CAMK2B: variants seen among roughly 807,000 people sequenced by gnomAD.
CAMK2B encodes calcium/calmodulin-dependent protein kinase type II subunit beta.
Under a neutral mutation model 93.7 loss-of-function variants are expected in CAMK2B, and 27 were observed. The observed-to-expected ratio is 0.29, with a 90% CI of 0.21 to 0.40. The LOEUF (loss-of-function observed/expected upper bound fraction) is 0.40, where lower values mean the gene tolerates loss of function less well. Ranked by LOEUF, CAMK2B falls within the 10% of genes least tolerant of loss-of-function variation. The pLI is 1.00. For missense variants in CAMK2B, 568 were observed against 895.8 expected (o/e 0.63, Z 4.67); for synonymous variants, 374 against 358.8 (o/e 1.04, Z -0.48).
In CAMK2B at chr7:44,224,235, C is replaced by A. The variant is rs531173972; in HGVS notation, c.1597+2281G>T. ...GGAAGCCTAGGCTGCCCCTGCCCTG[C>A]GGAATGGCGCTGCCCAGACCCCAGC... On this transcript the variant is annotated intron_variant, in intron 20 of 23. Coordinates refer to ENST00000395749, the MANE Select transcript of CAMK2B (RefSeq NM_001220.5). This position sits in a 1 kb window ranked among gnomAD's most constrained non-coding sequence, Gnocchi z 4.4. Among the ~76,000 whole-genome samples the A allele has an allele frequency of 6.6e-6, 1 of 152,174 alleles. No homozygotes were observed. Among genetic ancestry groups the A allele is most frequent in the Admixed American group, 6.5e-5 (1 of 15,276 alleles).
chr7:44,258,581 A>T lies in CAMK2B; in HGVS notation c.275+291T>A, dbSNP rs181198733. ...CTGACTGACTATTCCTCTGGGGTCC[A>T]CCCACCCGCTGCCTCCAGTGTGCCC... On this transcript the variant is annotated intron_variant, in intron 4 of 23. Coordinates refer to ENST00000395749, the MANE Select transcript of CAMK2B (RefSeq NM_001220.5). Among the ~76,000 whole-genome samples, 22 of 152,332 alleles carry T rather than the reference A, an allele frequency of 1.4e-4. 1 individual carries two copies. Among genetic ancestry groups the T allele is most frequent in the Middle Eastern group, 3.4e-3 (1 of 294 alleles).
chr7:44,303,374 A>C (rs1433291872), intron 1 of CAMK2B, among the ~76,000 whole-genome samples: 7 of 152,310 alleles, frequency 4.6e-5, no homozygotes, highest in Admixed American at 2.6e-4. Context: ...AATACCGGCA[A>C]GTTATTTTGT....
chr7:44,271,816 G>T lies in CAMK2B; in HGVS notation c.161-8752C>A, dbSNP rs1053324013. Among the ~76,000 whole-genome samples the T allele has an allele frequency of 1.4e-4, 21 of 152,234 alleles. No individual in the cohort carries two copies. The highest frequency in any genetic ancestry group is 1.2e-3 in the Admixed American group (19 of 15,282). ...TGCAGGCCGGTTTAGGGGCTGAAAG[G>T]AGGCCATGGGCAGGTCCCGGCCATT... On this transcript the variant is annotated intron_variant, in intron 2 of 23. Coordinates refer to ENST00000395749, the MANE Select transcript of CAMK2B (RefSeq NM_001220.5). The surrounding 1 kb of genome is among the most constrained non-coding windows in gnomAD (Gnocchi z 4.2).
At chr7:44,279,939 G>A (rs1012062472) in intron 2 of CAMK2B, among the ~76,000 whole-genome samples, 3 of 152,144 alleles carry the variant, frequency 2.0e-5, no homozygotes, top group Admixed American at 1.3e-4. Flanking sequence ...CAGTGGCAGC[G>A]CAACTCCACT....
At chr7:44,282,423 A>G (rs192591293) in intron 2 of CAMK2B, among the ~76,000 whole-genome samples, 97 of 152,322 alleles carry the variant, frequency 6.4e-4, no homozygotes, top group South Asian at 3.7e-3. Flanking sequence ...TTGGGAGCGC[A>G]TGCCTCTGGA....
At chr7:44,287,253 C>A (rs1404313608) in intron 1 of CAMK2B, among the ~76,000 whole-genome samples, 2 of 152,120 alleles carry the variant, frequency 1.3e-5, no homozygotes, top group Non-Finnish European at 1.5e-5. Context: ...TCGCCGCCCC[C>A]CAATTTTCTC....
At chr7:44,263,153 G>T in intron 2 of CAMK2B, 89 bp from the exon 3 acceptor site, 2 of 1,250,356 alleles carry the variant, frequency 1.6e-6, no homozygotes, top group Non-Finnish European at 2.3e-6. Flanking sequence ...CCACAAGGGT[G>T]TGCCAGGGCC....
At chr7:44,233,278 C>T (rs562792456) in intron 15 of CAMK2B, among the ~76,000 whole-genome samples, 2 of 152,134 alleles carry the variant, frequency 1.3e-5, no homozygotes, top group African/African-American at 4.8e-5. Context: ...ATGGGGGTGG[C>T]GGTGGCACAT....
In CAMK2B at chr7:44,271,310, G is replaced by A. The variant is rs149919373; in HGVS notation, c.161-8246C>T. Among the ~76,000 whole-genome samples the A allele has an allele frequency of 1.4e-4, 21 of 152,306 alleles. No homozygotes were observed. Among genetic ancestry groups the A allele is most frequent in the South Asian group, 8.3e-4 (4 of 4,820 alleles). ...TGGTACCAACACACTTAACTCAAGC[G>A]TCCCAATTCACTTCAAGGCTAAACT... On this transcript the variant is annotated intron_variant, in intron 2 of 23. Transcript: ENST00000395749. This position sits in a 1 kb window ranked among gnomAD's most constrained non-coding sequence, Gnocchi z 4.2.
intron 2 of CAMK2B, among the ~76,000 whole-genome samples, chr7:44,270,722 A>G (rs1418811234): frequency 6.6e-6 from 1 of 152,172 alleles, no homozygotes; most frequent in Non-Finnish European, 1.5e-5. Flanking sequence ...GGGCCACAGC[A>G]CAGAGGGGCC....
chr7:44,307,036 A>AGGAGGGTGTGAACAG (rs1791942256), intron 1 of CAMK2B, among the ~76,000 whole-genome samples: 1 of 17,844 alleles, frequency 5.6e-5, no homozygotes, highest in Non-Finnish European at 1.0e-4. Context: ...GTGAGCAGGG[A>AGGAGGGTGTGAACAG]GAGGAGGCGG....
At chr7:44,229,227 T>TGGG in intron 18 of CAMK2B, 161 bp downstream of exon 18, 1 of 614,386 alleles carries the variant, frequency 1.6e-6, no homozygotes, top group Non-Finnish European at 2.9e-6. Flanking sequence ...TGGGGCTCGA[T>TGGG]GGGCTGGGGC....
intron 1 of CAMK2B, among the ~76,000 whole-genome samples, chr7:44,293,324 T>G (rs1787367916): frequency 6.6e-6 from 1 of 152,268 alleles, no homozygotes; most frequent in African/African-American, 2.4e-5. Context: ...AGGCCATTTC[T>G]TAACCAAATA....
chr7:44,307,679 C>T (rs746920245), intron 1 of CAMK2B, among the ~76,000 whole-genome samples: 1 of 152,044 alleles, frequency 6.6e-6, no homozygotes, highest in African/African-American at 2.4e-5. Flanking sequence ...TCATGAGATG[C>T]GCTTAGCCAG....
intron 1 of CAMK2B, among the ~76,000 whole-genome samples, chr7:44,323,177 C>T (rs1258378629): frequency 2.0e-5 from 3 of 152,252 alleles, no homozygotes; most frequent in South Asian, 2.1e-4. Flanking sequence ...CCCTTGGCGT[C>T]GCCAGGGACC....
chr7:44,220,349 C>G, intron 22 of CAMK2B, 55 bp from the exon 23 acceptor site: 2 of 1,335,220 alleles, frequency 1.5e-6, no homozygotes, highest in Non-Finnish European at 1.1e-6. Context: ...CCCTGGTGCC[C>G]GTCTTCCACC....
At chr7:44,281,588 C>T (rs573191714) in intron 2 of CAMK2B, among the ~76,000 whole-genome samples, 3 of 152,290 alleles carry the variant, frequency 2.0e-5, no homozygotes, top group South Asian at 2.1e-4. Flanking sequence ...CCAGGCCTCT[C>T]GGCATCAGCA....
At chr7:44,299,562 T>C (rs13233909) in intron 1 of CAMK2B, among the ~76,000 whole-genome samples, 6 of 151,986 alleles carry the variant, frequency 3.9e-5, no homozygotes, top group Non-Finnish European at 8.8e-5. Context: ...AATTTAAAAA[T>C]TAAAAATAAA....
At position 44,219,291 on chromosome 7, in the gene CAMK2B, T is replaced by G. The variant is rs2096367592; in HGVS notation, c.*234A>C. 1 of 150,510 alleles carries G rather than the reference T, an allele frequency of 6.6e-6. No homozygotes were observed. The highest frequency in any genetic ancestry group is 2.4e-5 in the African/African-American group (1 of 40,968). The allele number at this position is 150,510 out of a possible 1,614,324, so 9.3% of individuals were successfully genotyped here. A position where few individuals can be genotyped will look rare whatever the true frequency, so the allele number is the denominator to read the frequency against. ...TTCCTTTAGTTTTTTTTGTTTTTTT[T>G]TTTTTTCATTTCATCTGATGTCAAT... On this transcript the variant is annotated 3_prime_UTR_variant, in exon 24 of 24. Transcript: ENST00000395749.
Sources: gnomAD v4.1 joint callset for allele counts (sites outside exome capture counted in the v4.1 genomes callset) on GRCh38, gnomAD v4.1.1 for gene constraint, Gnocchi (gnomAD v3.1) non-coding constraint, MANE v1.5 for transcripts, NCBI Gene and HGNC (gene_info 2026-07-23, HGNC 2026-07-21) for gene names.